The following ASTN2 variants were observed in gnomAD, a reference collection of about 807,000 sequenced individuals.
ASTN2 encodes the protein astrotactin-2.
In ASTN2, 54 loss-of-function variants were observed where a neutral mutation model predicts 139.8. The ratio of observed to expected loss-of-function variants is 0.39; its 90% CI spans 0.31 to 0.48. The LOEUF (loss-of-function observed/expected upper bound fraction) is 0.48, where lower values mean the gene tolerates loss of function less well. Among genes scored for constraint, ASTN2 ranks in the 20% least tolerant of loss-of-function variants. The probability of loss-of-function intolerance (pLI) is 0.95; values close to 1 mark genes in which losing one functional copy is unlikely to be tolerated. For missense variants in ASTN2, 1,565 were observed against 1,725.1 expected (o/e 0.91, Z 1.64); for synonymous variants, 756 against 719.5 (o/e 1.05, Z -0.81).
At chr9:116,808,961 T>C (rs572891299) in intron 12 of ASTN2, among the ~76,000 whole-genome samples, 2 of 152,310 alleles carry the variant, frequency 1.3e-5, no homozygotes, top group East Asian at 3.9e-4. Flanking sequence ...TCCATTAATA[T>C]GCATTGACCA....
rs189787520 is a variant in ASTN2, at chr9:117,274,559, A to C, written c.630+16767T>G. Among the ~76,000 whole-genome samples, 9 of 152,334 alleles carry C rather than the reference A, an allele frequency of 5.9e-5. No individual in the cohort carries two copies. In the East Asian group the frequency reaches 1.7e-3, roughly 29 times the overall value. On this transcript the variant is annotated intron_variant, in intron 2 of 22. Transcript: ENST00000313400. The stretch of plus-strand genomic sequence containing the variant: ...TGCTTTATCTCATTTCATTCCACAC[A>C]ATCTTTGAAGATATGAGTTAGCATC...
At chr9:117,130,534 T>TTA (rs1829803034) in intron 4 of ASTN2, among the ~76,000 whole-genome samples, 1 of 152,168 alleles carries the variant, frequency 6.6e-6, no homozygotes, top group Admixed American at 6.5e-5. Flanking sequence ...TTCTTACAAC[T>TTA]TATATCTGCA....
intron 20 of ASTN2, among the ~76,000 whole-genome samples, chr9:116,486,165 T>C (rs1157143425): frequency 1.3e-5 from 2 of 152,244 alleles, no homozygotes; most frequent in East Asian, 1.9e-4. Context: ...TTTGAATCCA[T>C]AGTCTGTGGC....
chr9:116,619,471 C>T (rs1177710859), intron 18 of ASTN2, among the ~76,000 whole-genome samples: 2 of 151,900 alleles, frequency 1.3e-5, no homozygotes, highest in Non-Finnish European at 2.9e-5. Context: ...AAAACATCTC[C>T]CCATTATTCT....
intron 10 of ASTN2, among the ~76,000 whole-genome samples, chr9:116,874,603 G>A (rs1833248587): frequency 1.3e-5 from 2 of 152,142 alleles, no homozygotes; most frequent in Admixed American, 6.5e-5. Context: ...AGATATGAAA[G>A]TCTCTTATCA....
intron 4 of ASTN2, among the ~76,000 whole-genome samples, chr9:117,111,109 G>T (rs1487092191): frequency 6.6e-6 from 1 of 152,128 alleles, no homozygotes; most frequent in African/African-American, 2.4e-5. Context: ...AACAAAACAT[G>T]AGCATTAAAG....
intron 5 of ASTN2, among the ~76,000 whole-genome samples, chr9:117,043,005 G>C (rs549275971): frequency 1.3e-5 from 2 of 152,058 alleles, no homozygotes; most frequent in East Asian, 3.9e-4. Context: ...CAAGTAGCTA[G>C]GGTTATAGGC....
intron 2 of ASTN2, among the ~76,000 whole-genome samples, chr9:117,235,239 T>TAA (rs558846312): frequency 7.4e-6 from 1 of 134,756 alleles, no homozygotes; most frequent in Non-Finnish European, 1.6e-5. Flanking sequence ...CTGTCTCAAT[T>TAA]AAAAAAAAAA....
chr9:117,090,535 C>A (rs569851106), intron 5 of ASTN2, among the ~76,000 whole-genome samples: 1 of 152,340 alleles, frequency 6.6e-6, no homozygotes, highest in African/African-American at 2.4e-5. Context: ...ATAATGGATC[C>A]TATTGCTGAA....
chr9:117,414,953 C>T lies in ASTN2; in HGVS notation c.-15G>A, dbSNP rs1325765758. 1.2e-5 allele frequency: 3 copies of T among 259,740 alleles called. No individual in the cohort carries two copies. The highest frequency in any genetic ancestry group is 1.9e-5 in the Non-Finnish European group (3 of 156,156). The allele number at this position is 259,740 out of a possible 1,614,324, so 16.1% of individuals were successfully genotyped here. A position where few individuals can be genotyped will look rare whatever the true frequency, so the allele number is the denominator to read the frequency against. On this transcript the variant is annotated 5_prime_UTR_variant, in exon 1 of 23. Transcript: ENST00000313400. The surrounding 1 kb of genome is among the most constrained non-coding windows in gnomAD (Gnocchi z 4.2). ...GCGGCGGCCATGGCGGGAGGGGCTG[C>T]GGTGCTGCGGGCGGCGGCGGCGGTG...
chr9:116,903,409 AT>A (rs1376275863), intron 10 of ASTN2, among the ~76,000 whole-genome samples: 1 of 151,968 alleles, frequency 6.6e-6, no homozygotes, highest in Non-Finnish European at 1.5e-5. Context: ...GACCAATTGG[AT>A]TTTCCAAAGC....
chr9:116,967,195 T>C (rs1836036114), intron 10 of ASTN2, among the ~76,000 whole-genome samples: 1 of 152,130 alleles, frequency 6.6e-6, no homozygotes, highest in Non-Finnish European at 1.5e-5. Context: ...GGCTAAAAGT[T>C]TAAGTGTTAT....
At chr9:116,918,239 G>A (rs1834508136) in intron 10 of ASTN2, among the ~76,000 whole-genome samples, 1 of 152,106 alleles carries the variant, frequency 6.6e-6, no homozygotes, top group Non-Finnish European at 1.5e-5. Context: ...CTGTGTGGAT[G>A]GGCAAAGCAC....
At chr9:116,756,809 A>T (rs1588268350) in intron 13 of ASTN2, among the ~76,000 whole-genome samples, 2 of 152,020 alleles carry the variant, frequency 1.3e-5, no homozygotes, top group Admixed American at 1.3e-4. Flanking sequence ...ATACACACAC[A>T]CTTGGTCATC....
chr9:116,857,204 CT>C (rs1301518497), intron 11 of ASTN2, among the ~76,000 whole-genome samples: 3 of 152,124 alleles, frequency 2.0e-5, no homozygotes, highest in Non-Finnish European at 4.4e-5. Flanking sequence ...ACTAGCTTTT[CT>C]TTTTTGTAAA....
intron 2 of ASTN2, among the ~76,000 whole-genome samples, chr9:117,280,227 A>G (rs2133142190): frequency 6.6e-6 from 1 of 152,296 alleles, no homozygotes; most frequent in South Asian, 2.1e-4. Flanking sequence ...TGTCCTTATC[A>G]GTGCATTACT....
At chr9:116,943,129 G>A (rs918212395) in intron 10 of ASTN2, among the ~76,000 whole-genome samples, 1 of 152,154 alleles carries the variant, frequency 6.6e-6, no homozygotes, top group Admixed American at 6.6e-5. Context: ...GATGAATAAG[G>A]CATGATTCTA....
rs185965836 is a variant in ASTN2 at position 116,500,978 on chromosome 9, C to T, written c.3356-13478G>A. ...TTTTGATCCTCCCAAACCAGAACTG[C>T]ACAAACTATGTGTCCCAAGATTAAA... On this transcript the variant is annotated intron_variant, in intron 19 of 22. Transcript: ENST00000313400. Among the ~76,000 whole-genome samples the T allele has an allele frequency of 4.6e-3, 693 of 152,242 alleles. 4 individuals carry two copies. Among genetic ancestry groups the T allele is most frequent in the African/African-American group, 0.016 (672 of 41,562 alleles).
At chr9:117,261,754 C>A (rs572350244) in intron 2 of ASTN2, among the ~76,000 whole-genome samples, 1 of 152,242 alleles carries the variant, frequency 6.6e-6, no homozygotes, top group African/African-American at 2.4e-5. Flanking sequence ...GTTAGGATTT[C>A]ATGGTCCCAT....
Sources: allele counts gnomAD v4.1 joint callset (sites outside exome capture counted in the v4.1 genomes callset), GRCh38; gene constraint gnomAD v4.1.1; non-coding constraint Gnocchi (gnomAD v3.1); transcripts MANE v1.5; gene names NCBI Gene and HGNC (gene_info 2026-07-23, HGNC 2026-07-21).